Variants in RNF115 observed in about 807,000 individuals in gnomAD.
The protein encoded by RNF115 is E3 ubiquitin-protein ligase RNF115.
In RNF115, 31 loss-of-function variants were observed where a neutral mutation model predicts 39.2. The observed-to-expected ratio is 0.79, with a 90% confidence interval of 0.59 to 1.07. The LOEUF (loss-of-function observed/expected upper bound fraction) is 1.07, where lower values mean the gene tolerates loss of function less well. RNF115 is among the 50% of genes least tolerant of loss of function. RNF115 has a pLI of 0.00. For synonymous variants in RNF115, 124 were observed against 131.0 expected (o/e 0.95, Z 0.37); for missense variants, 384 against 381.7 (o/e 1.01, Z -0.05).
intron 4 of RNF115, among the ~76,000 whole-genome samples, chr1:145,759,342 T>C (rs587707148): frequency 1.5e-4 from 23 of 152,318 alleles, no homozygotes; most frequent in Admixed American, 1.1e-3. Flanking sequence ...CTCAAACTTA[T>C]TATGTCCCAA....
At chr1:145,779,262 C>T (rs1648016110) in intron 3 of RNF115, among the ~76,000 whole-genome samples, 1 of 151,804 alleles carries the variant, frequency 6.6e-6, no homozygotes, top group African/African-American at 2.4e-5. Context: ...GCAACCTCTG[C>T]CTCCCAGGCT....
chr1:145,802,100 T>C (rs1571773010), intron 1 of RNF115, among the ~76,000 whole-genome samples: 1 of 152,174 alleles, frequency 6.6e-6, no homozygotes, highest in East Asian at 1.9e-4. Flanking sequence ...GTCATTTCTA[T>C]CATCCCATCT....
In RNF115 at chr1:145,801,155, G is replaced by A. The variant is rs9661962; in HGVS notation, c.103-12189C>T. ...CACCGCACTCCAGCCTGGGCACAGCGCAGAGCGCACAGCAAGACTCCGTCT... is the reference window on the plus strand; with the variant it reads ...CACCGCACTCCAGCCTGGGCACAGCACAGAGCGCACAGCAAGACTCCGTCT... On this transcript the variant is annotated intron_variant, in intron 1 of 8. Coordinates refer to ENST00000582693, the MANE Select transcript of RNF115 (RefSeq NM_014455.4). Among the ~76,000 whole-genome samples, 1,343 of 152,044 alleles carry A rather than the reference G, an allele frequency of 8.8e-3. 21 individuals are homozygous for A. The highest frequency in any genetic ancestry group is 0.03 in the African/African-American group (1,259 of 41,470).
At chr1:145,787,693 C>G (rs151273250) in intron 2 of RNF115, among the ~76,000 whole-genome samples, 3,564 of 152,112 alleles carry the variant, frequency 0.023, 161 homozygotes, top group African/African-American at 0.081. Flanking sequence ...TCAAGACCAG[C>G]CTGGCCAACA....
intron 1 of RNF115, among the ~76,000 whole-genome samples, chr1:145,823,519 A>T (rs1379048678): frequency 3.3e-5 from 5 of 150,458 alleles, no homozygotes; most frequent in African/African-American, 1.2e-4. Flanking sequence ...AAAAAAAAAA[A>T]TTAAGGACAC....
At chr1:145,793,934 C>T (rs1369546336) in intron 1 of RNF115, among the ~76,000 whole-genome samples, 2 of 151,514 alleles carry the variant, frequency 1.3e-5, no homozygotes, top group African/African-American at 4.9e-5. Context: ...ACCTCTGCCT[C>T]CTGGGTTCAA....
rs1647656430 is a variant in RNF115 at position 145,771,803 on chromosome 1, G to T, written c.336C>A (p.Asp112Glu). 1 of 1,613,990 alleles carries T rather than the reference G, an allele frequency of 6.2e-7. No homozygotes were observed. Among genetic ancestry groups the T allele is most frequent in the African/African-American group, 1.3e-5 (1 of 74,924 alleles). Residue 112 changes from aspartate to glutamate, a missense_variant, in exon 4 of 9, where the codon GAC becomes GAA. By Grantham distance (45) the Asp-to-Glu change is conservative (BLOSUM62 2). Transcript: ENST00000582693. ...ANERGHQTHT[D>E]FWGARPPRLP... ...ACCGTGGAGGTCTTGCTCCCCAGAA[G>T]TCAGTGTGAGTCTGGTGACCCCTTT...
chr1:145,772,175 T>G, intron 3 of RNF115: 1 of 351,802 alleles, frequency 2.8e-6, no homozygotes, highest in Non-Finnish European at 5.2e-6. Context: ...GTTTAAGAGT[T>G]TCTACTGTGC....
rs373377421 is a variant in RNF115 at position 145,748,116 on chromosome 1, G to A, written c.668-6C>T. On this transcript the variant is annotated splice_region_variant and splice_polypyrimidine_tract_variant and intron_variant, in intron 7 of 8. Transcript: ENST00000582693. The stretch of plus-strand genomic sequence containing the variant: ...TGGACACTCTAAACCCATATCTGTT[G>A]AAGAAGGAAATGCCTTTTAAAGTAA... 3 of 1,597,348 alleles carry A rather than the reference G, an allele frequency of 1.9e-6. No homozygotes were observed. In the African/African-American group the frequency reaches 4.0e-5, roughly 21 times the overall value.
At chr1:145,752,337 A>G (rs1658116569) in intron 5 of RNF115, among the ~76,000 whole-genome samples, 1 of 152,064 alleles carries the variant, frequency 6.6e-6, no homozygotes, top group Non-Finnish European at 1.5e-5. Context: ...TGTGTAGTCT[A>G]CTGGGGAAAC....
chr1:145,748,542 G>A (rs1365461322), intron 7 of RNF115, among the ~76,000 whole-genome samples: 1 of 152,152 alleles, frequency 6.6e-6, no homozygotes, highest in Non-Finnish European at 1.5e-5. Context: ...TATCAGTGCA[G>A]CGTCTCAAGC....
intron 1 of RNF115, among the ~76,000 whole-genome samples, chr1:145,801,851 C>T (rs1320673145): frequency 6.6e-6 from 1 of 151,936 alleles, no homozygotes; most frequent in Non-Finnish European, 1.5e-5. Context: ...GCAGTGGCAC[C>T]ATCTCGGCTC....
intron 3 of RNF115, among the ~76,000 whole-genome samples, chr1:145,781,810 C>G (rs972437339): frequency 9.9e-5 from 15 of 152,050 alleles, no homozygotes; most frequent in African/African-American, 3.6e-4. Flanking sequence ...TATGACCTCT[C>G]CTCAAGACCC....
chr1:145,813,493 C>A (rs1649825571), intron 1 of RNF115, among the ~76,000 whole-genome samples: 1 of 152,070 alleles, frequency 6.6e-6, no homozygotes, highest in Non-Finnish European at 1.5e-5. Flanking sequence ...TAATTCCCAA[C>A]TGACAAAAAA....
Position 145,784,390 on chromosome 1 carries a change from A to C in RNF115, c.219+149T>G. ...CCCAAGCCCCAGCTACTGAAAACACAAATCTTCCCAAGGGTTACTACGGCC... is the reference window on the plus strand; with the variant it reads ...CCCAAGCCCCAGCTACTGAAAACACCAATCTTCCCAAGGGTTACTACGGCC... On this transcript the variant is annotated intron_variant, in intron 3 of 8. Coordinates refer to ENST00000582693, the MANE Select transcript of RNF115 (RefSeq NM_014455.4). The C allele has an allele frequency of 7.2e-6, 5 of 694,694 alleles. No homozygotes were observed. The South Asian group carries it at 9.2e-5, about 13-fold the overall frequency. The allele number at this position is 694,694 out of a possible 1,614,324, so 43.0% of individuals were successfully genotyped here.
chr1:145,806,662 C>T (rs1011653582), intron 1 of RNF115, among the ~76,000 whole-genome samples: 1 of 152,060 alleles, frequency 6.6e-6, no homozygotes, highest in Non-Finnish European at 1.5e-5. Context: ...TGTGGTACCC[C>T]TCCCCTTTCT....
At chr1:145,792,043 C>T (rs1450348131) in intron 1 of RNF115, among the ~76,000 whole-genome samples, 1 of 151,988 alleles carries the variant, frequency 6.6e-6, no homozygotes, top group East Asian at 1.9e-4. Context: ...GCAATCCTGC[C>T]GGCCTCAGCT....
At chr1:145,821,154 A>G (rs1251354029) in intron 1 of RNF115, among the ~76,000 whole-genome samples, 5 of 105,344 alleles carry the variant, frequency 4.7e-5, no homozygotes, top group African/African-American at 1.5e-4. Context: ...TTTCCCCAAA[A>G]GCTGTAAGAT....
At chr1:145,817,505 C>G (rs1650041677) in intron 1 of RNF115, among the ~76,000 whole-genome samples, 1 of 145,416 alleles carries the variant, frequency 6.9e-6, no homozygotes, top group Non-Finnish European at 1.5e-5. Context: ...AAAATTTATC[C>G]ATATCTGATT....
Sources: allele counts gnomAD v4.1 joint callset (sites outside exome capture counted in the v4.1 genomes callset), GRCh38; gene constraint gnomAD v4.1.1; transcripts MANE v1.5; gene names NCBI Gene and HGNC (gene_info 2026-07-23, HGNC 2026-07-21).